Variants in MUC12 observed in about 807,000 individuals in gnomAD.
The protein encoded by MUC12 is mucin 12, cell surface associated, also known as mucin-12.
In MUC12, 172 loss-of-function variants were observed where a neutral mutation model predicts 230.8. The ratio of observed to expected loss-of-function variants is 0.75; its 90% CI spans 0.66 to 0.85. MUC12 has a LOEUF of 0.85. Among genes scored for constraint, MUC12 ranks in the 40% least tolerant of loss-of-function variants. The probability of loss-of-function intolerance (pLI) is 0.00; values close to 1 mark genes in which losing one functional copy is unlikely to be tolerated. For synonymous variants in MUC12, 1,259 were observed against 2,401.9 expected, an observed-to-expected ratio of 0.52 and a Z score of 13.91; for missense variants, 3,506 against 5,920.6, an observed-to-expected ratio of 0.59 and a Z score of 13.38.
intron 3 of MUC12, among the ~76,000 whole-genome samples, chr7:101,008,152 G>T (rs1243342823): frequency 6.6e-6 from 1 of 151,636 alleles, no homozygotes. Context: ...TTGAGATAGG[G>T]TCTCACTCTG....
In MUC12 at chr7:100,987,711, G is replaced by A. The variant is rs1013003174; in HGVS notation, c.68-2920G>A. Among the ~76,000 whole-genome samples the A allele has an allele frequency of 3.3e-5, 5 of 152,076 alleles. No individual in the cohort carries two copies. In the South Asian group the frequency reaches 8.3e-4, roughly 25 times the overall value. ...GTGTGGGCCAGGCGCGGTGGCTCGC[G>A]CCTGTAATCCCAGCACTTTGGGAGG... On this transcript the variant is annotated intron_variant, in intron 1 of 11. Coordinates refer to ENST00000536621, the MANE Select transcript of MUC12 (RefSeq NM_001164462.2).
In MUC12 at chr7:100,991,266, C is replaced by G. The variant is rs186273734; in HGVS notation, c.703C>G (p.Arg235Gly). ...HSSPGYTKTT[R>G]LPDNTTTSGL... ...CAGCCCAGGCTACACTAAAACAACA[C>G]GCTTACCTGACAACACCACAACCTC... Residue 235 changes from arginine to glycine, a missense_variant, in exon 2 of 12, where the codon CGC becomes GGC. Arg to Gly is a moderately radical substitution (Grantham distance 125). Coordinates refer to ENST00000536621, the MANE Select transcript of MUC12 (RefSeq NM_001164462.2). The G allele has an allele frequency of 9.1e-6, 14 of 1,537,672 alleles. No homozygotes were observed. The East Asian group carries it at 2.9e-4, about 32-fold the overall frequency.
intron 1 of MUC12, among the ~76,000 whole-genome samples, chr7:100,980,430 A>G (rs1793089179): frequency 6.6e-6 from 1 of 152,212 alleles, no homozygotes; most frequent in Non-Finnish European, 1.5e-5. Context: ...TGGATGGTTT[A>G]TATTTTAATG....
chr7:101,005,058 C>G lies in MUC12; in HGVS notation c.14495C>G (p.Ala4832Gly). 3.3e-6 allele frequency: 5 copies of G among 1,537,912 alleles called. No individual in the cohort carries two copies. The highest frequency in any genetic ancestry group is 4.4e-6 in the Non-Finnish European group (5 of 1,147,060). ...FTTPHSQPGS[A>G]LSTVSPASTT... Reference sequence around the variant, plus strand: ...ACCCCTCATAGCCAACCAGGCTCAGCTCTGTCAACAGTGTCACCTGCCAGC... The same window carrying G: ...ACCCCTCATAGCCAACCAGGCTCAGGTCTGTCAACAGTGTCACCTGCCAGC... The change falls in exon 2 of 12, where the codon GCT becomes GGT. Residue 4832 changes from alanine to glycine, a missense_variant. By Grantham distance (60) the Ala-to-Gly change is moderately conservative. Coordinates refer to ENST00000536621, the MANE Select transcript of MUC12 (RefSeq NM_001164462.2).
At chr7:100,969,867 A>G (rs1792818361) in intron 1 of MUC12, among the ~76,000 whole-genome samples, 178 bp downstream of exon 1, 1 of 152,308 alleles carries the variant, frequency 6.6e-6, no homozygotes, top group East Asian at 1.9e-4. Context: ...TGAAGAGGTC[A>G]CTGTGGAGAC....
chr7:101,004,713 C>G lies in MUC12; in HGVS notation c.14150C>G (p.Ser4717Cys). Residue 4717 changes from serine to cysteine, a missense_variant, in exon 2 of 12, where the codon TCT becomes TGT. Ser to Cys is a moderately radical substitution (Grantham distance 112). Coordinates refer to ENST00000536621, the MANE Select transcript of MUC12 (RefSeq NM_001164462.2). ...GCAGAATCTACCACCTTCTATATCT[C>G]TCCAGGCTCAATGGAAACAACATTA... Reference protein sequence around the residue: ...RIAESTTFYISPGSMETTLAS... With the variant: ...RIAESTTFYICPGSMETTLAS... 6.5e-7 allele frequency: 1 copy of G among 1,537,012 alleles called. No individual in the cohort carries two copies. The highest frequency in any genetic ancestry group is 8.7e-7 in the Non-Finnish European group (1 of 1,146,406).
chr7:100,995,405 A>T lies in MUC12; in HGVS notation c.4842A>T (p.Thr1614=). The T allele has an allele frequency of 1.3e-6, 2 of 1,534,256 alleles. No individual in the cohort carries two copies. Among genetic ancestry groups the T allele is most frequent in the Middle Eastern group, 1.7e-4 (1 of 5,942 alleles). The change falls in exon 2 of 12, where the codon ACA becomes ACT. Residue 1614 remains threonine, a synonymous_variant. Transcript: ENST00000536621. ...STASHSSPGS[T]DTTLSPGSTT... ...CTTCCCACAGCAGCCCAGGCTCCAC[A>T]GACACAACATTGTCCCCTGGCAGTA... is the stretch of plus-strand genomic sequence containing the variant.
At chr7:100,982,346 G>A (rs1282633116) in intron 1 of MUC12, among the ~76,000 whole-genome samples, 1 of 151,992 alleles carries the variant, frequency 6.6e-6, no homozygotes, top group Non-Finnish European at 1.5e-5. Flanking sequence ...CCCCACACAT[G>A]GTGTTCTTCT....
chr7:101,005,545 G>T (rs752129176), intron 2 of MUC12, 26 bp downstream of exon 2: 2 of 1,520,422 alleles, frequency 1.3e-6, no homozygotes, highest in African/African-American at 1.4e-5. Context: ...TTTCATCCAC[G>T]TTTAGCTTCT....
At position 100,995,788 on chromosome 7, in the gene MUC12, C is replaced by G. The variant is rs1419856609; in HGVS notation, c.5225C>G (p.Thr1742Arg). The G allele has an allele frequency of 4.0e-6, 6 of 1,514,882 alleles. No homozygotes were observed. Among genetic ancestry groups the G allele is most frequent in the Admixed American group, 2.0e-5 (1 of 50,046 alleles). The allele number at this position is 1,514,882 out of a possible 1,614,324, so 93.8% of individuals were successfully genotyped here. A position where few individuals can be genotyped will look rare whatever the true frequency, so the allele number is the denominator to read the frequency against. ...ACCTTGGGCCGTAGTGAGGAATCGACAACAGTCCACAGCAGCCCAGTTGCA... is the reference window on the plus strand; with the variant it reads ...ACCTTGGGCCGTAGTGAGGAATCGAGAACAGTCCACAGCAGCCCAGTTGCA... ...STTLGRSEES[T>R]TVHSSPVATA... Residue 1742 changes from threonine (T) to arginine (R), a missense_variant, in exon 2 of 12, where the codon ACA becomes AGA. Physicochemically the swap from Thr to Arg is moderately conservative, Grantham distance 71. Transcript: ENST00000536621.
At chr7:101,011,243 C>T (rs1246435899) in intron 5 of MUC12, among the ~76,000 whole-genome samples, 1 of 152,062 alleles carries the variant, frequency 6.6e-6, no homozygotes, top group Admixed American at 6.5e-5. Flanking sequence ...GGCTCAGCGT[C>T]GGCACCCTGG....
chr7:100,973,097 C>A, intron 1 of MUC12: 1 of 541,140 alleles, frequency 1.8e-6, no homozygotes, highest in Non-Finnish European at 3.2e-6. Flanking sequence ...ATTTAGACAT[C>A]ACAGGAACCT....
chr7:100,991,340 A>G lies in MUC12; in HGVS notation c.777A>G (p.Pro259=), dbSNP rs201012482. The change falls in exon 2 of 12, where the codon CCA becomes CCG. Residue 259 remains proline (P), a synonymous_variant. Transcript: ENST00000536621. ...STPVHSSTGS[P]HTTLSPSSST... ...CCGTCCACAGCAGCACTGGATCGCCACACACAACACTGTCCCCTTCCAGCT... is the reference window on the plus strand; with the variant it reads ...CCGTCCACAGCAGCACTGGATCGCCGCACACAACACTGTCCCCTTCCAGCT... 8.5e-4 allele frequency: 1,304 copies of G among 1,537,742 alleles called. 17 individuals carry two copies. In the South Asian group the frequency reaches 8.7e-3, roughly 10 times the overall value.
chr7:100,983,248 C>T (rs866815512), intron 1 of MUC12, among the ~76,000 whole-genome samples: 10 of 151,622 alleles, frequency 6.6e-5, no homozygotes, highest in African/African-American at 1.9e-4. Context: ...GGCAAAACCA[C>T]GTCTCTAATA....
At chr7:101,013,594 G>A (rs1793872804) in intron 8 of MUC12, among the ~76,000 whole-genome samples, 1 of 152,164 alleles carries the variant, frequency 6.6e-6, no homozygotes, top group African/African-American at 2.4e-5. Context: ...GAAAAACCAT[G>A]ATAACAGGCC....
At position 101,013,155 on chromosome 7, in the gene MUC12, A is replaced by G. The variant is rs1417364026; in HGVS notation, c.15638+13A>G. Reference sequence around the variant, plus strand: ...GCCCCCGCTGCCTGTGAGTGTCCCCATAAGCCCAGCACCCACTCTGTCCTG... The same window carrying G: ...GCCCCCGCTGCCTGTGAGTGTCCCCGTAAGCCCAGCACCCACTCTGTCCTG... On this transcript the variant is annotated intron_variant, in intron 8 of 11. Coordinates refer to ENST00000536621, the MANE Select transcript of MUC12 (RefSeq NM_001164462.2). 11 of 1,537,002 alleles carry G rather than the reference A, an allele frequency of 7.2e-6. No individual in the cohort carries two copies. The highest frequency in any genetic ancestry group is 7.0e-6 in the Non-Finnish European group (8 of 1,146,864).
Position 100,992,168 on chromosome 7 carries a change from A to G in MUC12, c.1605A>G (p.Ala535=), listed in dbSNP as rs1265946943. 8 of 1,537,220 alleles carry G rather than the reference A, an allele frequency of 5.2e-6. No individual in the cohort carries two copies. In the African/African-American group the frequency reaches 1.1e-4, roughly 21 times the overall value. ...HSRPGSTHTT[A]FPGSTTMPGL... ...GACCAGGCTCAACACACACAACAGC[A>G]TTCCCTGGCAGTACCACCATGCCAG... Residue 535 remains alanine (A), a synonymous_variant, in exon 2 of 12, where the codon GCA becomes GCG. Coordinates refer to ENST00000536621, the MANE Select transcript of MUC12 (RefSeq NM_001164462.2).
At position 100,992,520 on chromosome 7, in the gene MUC12, G is replaced by A; in HGVS notation, c.1957G>A (p.Ala653Thr). ...GCCTGCACCTCCTACTACCACATCA[G>A]CCTTTGTTGAGCCATCTACAACCTC... Reference protein sequence around the residue: ...TRPAPPTTTSAFVEPSTTSHG... With the variant: ...TRPAPPTTTSTFVEPSTTSHG... Residue 653 changes from alanine (A) to threonine (T), a missense_variant, in exon 2 of 12, where the codon GCC (alanine) becomes ACC (threonine). Ala to Thr is a moderately conservative substitution (Grantham distance 58, BLOSUM62 0). Coordinates refer to ENST00000536621, the MANE Select transcript of MUC12 (RefSeq NM_001164462.2). The A allele has an allele frequency of 6.5e-7, 1 of 1,537,884 alleles. No homozygotes were observed. Among genetic ancestry groups the A allele is most frequent in the Non-Finnish European group, 8.7e-7 (1 of 1,147,054 alleles).
intron 3 of MUC12, 67 bp downstream of exon 3, chr7:101,006,639 T>C: frequency 9.0e-7 from 1 of 1,111,516 alleles, no homozygotes; most frequent in Non-Finnish European, 1.3e-6. Flanking sequence ...AGCATGGCAG[T>C]GTTGGAAGGA....
Sources: gnomAD v4.1 joint callset for allele counts (sites outside exome capture counted in the v4.1 genomes callset) on GRCh38, gnomAD v4.1.1 for gene constraint, MANE v1.5 for transcripts, NCBI Gene and HGNC (gene_info 2026-07-23, HGNC 2026-07-21) for gene names.